The following SGMS2 variants were observed in gnomAD, a reference collection of about 807,000 sequenced individuals.
SGMS2 encodes the protein phosphatidylcholine:ceramide cholinephosphotransferase 2.
Under a neutral mutation model 43.8 loss-of-function variants are expected in SGMS2, and 21 were observed. That is an observed-to-expected ratio of 0.48 (90% CI 0.34 to 0.69). The LOEUF (loss-of-function observed/expected upper bound fraction) is 0.69. SGMS2 is among the 30% of genes least tolerant of loss of function. The probability of loss-of-function intolerance (pLI) is 0.01; values close to 1 mark genes in which losing one functional copy is unlikely to be tolerated. For synonymous variants in SGMS2, 167 were observed against 160.6 expected (o/e 1.04, Z -0.30); for missense variants, 384 against 443.2 (o/e 0.87, Z 1.20).
rs1306141015 is a variant in SGMS2, at chr4:107,848,332, T to C, written c.-326-10140T>C. 2.0e-5 allele frequency among the ~76,000 whole-genome samples: 3 copies of C among 152,220 alleles called. No individual in the cohort carries two copies. In the East Asian group the frequency reaches 5.8e-4, roughly 29 times the overall value. On this transcript the variant is annotated intron_variant, in intron 1 of 6. Coordinates refer to ENST00000690982, the MANE Select transcript of SGMS2 (RefSeq NM_001375905.1). ...ACTCATTCACCTATTGAAGGACCTCTAGGTTGTCTCCAGTTTTAGGCAATT... is the reference window on the plus strand; with the variant it reads ...ACTCATTCACCTATTGAAGGACCTCCAGGTTGTCTCCAGTTTTAGGCAATT...
chr4:107,873,778 G>C (rs920041444), intron 2 of SGMS2, among the ~76,000 whole-genome samples: 2 of 152,030 alleles, frequency 1.3e-5, no homozygotes, highest in African/African-American at 4.8e-5. Flanking sequence ...AAGAGCACCT[G>C]CCCACAGTTC....
At chr4:107,907,582 G>T (rs972613528) in intron 5 of SGMS2, among the ~76,000 whole-genome samples, 1 of 152,112 alleles carries the variant, frequency 6.6e-6, no homozygotes, top group African/African-American at 2.4e-5. Flanking sequence ...TTGAACTCCA[G>T]CATGGGCGAC....
intron 2 of SGMS2, among the ~76,000 whole-genome samples, chr4:107,860,836 A>G (rs1256851404): frequency 1.3e-5 from 2 of 152,064 alleles, no homozygotes; most frequent in East Asian, 1.9e-4. Context: ...AGGTTTTCTT[A>G]TTACATATCT....
rs181681707 is a variant in SGMS2, at chr4:107,841,666, T to C, written c.-327+16413T>C. Among the ~76,000 whole-genome samples the C allele has an allele frequency of 1.7e-3, 257 of 152,200 alleles. 1 individual carries two copies. The highest frequency in any genetic ancestry group is 5.7e-3 in the African/African-American group (238 of 41,486). On this transcript the variant is annotated intron_variant, in intron 1 of 6. Transcript: ENST00000690982. ...GGTACATTGTAGGTGTATATACTTA[T>C]GGCCTTTTTTTTTAAGAGACAGGGT...
chr4:107,848,064 C>T lies in SGMS2; in HGVS notation c.-326-10408C>T, dbSNP rs573421363. Among the ~76,000 whole-genome samples the T allele has an allele frequency of 1.6e-4, 24 of 152,236 alleles. No homozygotes were observed. In the South Asian group the frequency reaches 3.7e-3, roughly 24 times the overall value. ...CACTGCCCTAAAAGTCTGTGTTCTG[C>T]GTATTCACTCCTCCCCAATCCTCAA... On this transcript the variant is annotated intron_variant, in intron 1 of 6. Coordinates refer to ENST00000690982, the MANE Select transcript of SGMS2 (RefSeq NM_001375905.1).
At position 107,911,381 on chromosome 4, in the gene SGMS2, G is replaced by T. The variant is rs531130187; in HGVS notation, c.*828G>T. 6 of 152,340 alleles carry T rather than the reference G, an allele frequency of 3.9e-5. No individual in the cohort carries two copies. The highest frequency in any genetic ancestry group is 1.4e-4 in the African/African-American group (6 of 41,578). 9.4% of individuals were successfully genotyped at this position (152,340 alleles called of 1,614,324 possible). A position where few individuals can be genotyped will look rare whatever the true frequency, so the allele number is the denominator to read the frequency against. ...AATTTGGATCTGGTGCCCCAGGGCA[G>T]TCAACTCTTCTAGCACAGGCTGAAA... is the stretch of plus-strand genomic sequence containing the variant. On this transcript the variant is annotated 3_prime_UTR_variant, in exon 7 of 7. Coordinates refer to ENST00000690982, the MANE Select transcript of SGMS2 (RefSeq NM_001375905.1).
At chr4:107,845,730 T>G (rs1437180012) in intron 1 of SGMS2, among the ~76,000 whole-genome samples, 4 of 152,204 alleles carry the variant, frequency 2.6e-5, no homozygotes, top group African/African-American at 9.6e-5. Context: ...GGCATTGTTT[T>G]GTCAGGGCAC....
At chr4:107,892,168 C>T (rs1730277770) in intron 2 of SGMS2, among the ~76,000 whole-genome samples, 1 of 144,092 alleles carries the variant, frequency 6.9e-6, no homozygotes, top group Non-Finnish European at 1.5e-5. Context: ...AAAGGAGTTA[C>T]CTACCTTCCA....
chr4:107,837,205 G>A (rs1437897225), intron 1 of SGMS2, among the ~76,000 whole-genome samples: 1 of 152,176 alleles, frequency 6.6e-6, no homozygotes, highest in Non-Finnish European at 1.5e-5. Flanking sequence ...ATGGAAATTG[G>A]TTGTATATGT....
At chr4:107,860,897 C>T (rs1376145859) in intron 2 of SGMS2, among the ~76,000 whole-genome samples, 2 of 152,122 alleles carry the variant, frequency 1.3e-5, no homozygotes, top group Non-Finnish European at 2.9e-5. Context: ...GATATTTTGC[C>T]AATTCTCATA....
chr4:107,834,999 TACTCC>T (rs1485602707), intron 1 of SGMS2, among the ~76,000 whole-genome samples: 1 of 152,074 alleles, frequency 6.6e-6, no homozygotes, highest in African/African-American at 2.4e-5. Context: ...CATGCCACTG[TACTCC>T]AGCCTGGGCA....
At chr4:107,879,802 T>C (rs1315815858) in intron 2 of SGMS2, among the ~76,000 whole-genome samples, 1 of 151,992 alleles carries the variant, frequency 6.6e-6, no homozygotes, top group Non-Finnish European at 1.5e-5. Context: ...TAACTCAATA[T>C]CATAAAATTA....
intron 2 of SGMS2, among the ~76,000 whole-genome samples, chr4:107,877,751 T>C (rs1011906769): frequency 2.0e-5 from 3 of 152,148 alleles, no homozygotes; most frequent in African/African-American, 7.2e-5. Flanking sequence ...ACTTCCTTTG[T>C]TCATCTGCTA....
At chr4:107,905,738 T>C (rs1731501299) in intron 5 of SGMS2, among the ~76,000 whole-genome samples, 1 of 152,224 alleles carries the variant, frequency 6.6e-6, no homozygotes, top group Non-Finnish European at 1.5e-5. Context: ...AACTCTATCG[T>C]ATTGCCAAGG....
At chr4:107,887,191 A>G (rs1156528594) in intron 2 of SGMS2, among the ~76,000 whole-genome samples, 1 of 152,180 alleles carries the variant, frequency 6.6e-6, no homozygotes, top group African/African-American at 2.4e-5. Flanking sequence ...TTCTGATGTC[A>G]CAGTCTCCAC....
intron 2 of SGMS2, among the ~76,000 whole-genome samples, chr4:107,871,455 T>G (rs1165897226): frequency 6.6e-6 from 1 of 152,034 alleles, no homozygotes; most frequent in East Asian, 1.9e-4. Flanking sequence ...TTTAAGTGAC[T>G]TCTGCTTGGG....
intron 1 of SGMS2, among the ~76,000 whole-genome samples, chr4:107,835,780 C>T (rs1726134617): frequency 6.6e-6 from 1 of 152,146 alleles, no homozygotes; most frequent in Non-Finnish European, 1.5e-5. Flanking sequence ...GATTGATGTT[C>T]TCTGTTGCAT....
intron 1 of SGMS2, among the ~76,000 whole-genome samples, chr4:107,842,159 G>T (rs545940714): frequency 6.6e-6 from 1 of 152,086 alleles, no homozygotes; most frequent in African/African-American, 2.4e-5. Flanking sequence ...TGTGTGTTAA[G>T]GTGTGTAGTA....
At chr4:107,849,164 C>T (rs924740536) in intron 1 of SGMS2, among the ~76,000 whole-genome samples, 2 of 152,036 alleles carry the variant, frequency 1.3e-5, no homozygotes, top group Non-Finnish European at 2.9e-5. Context: ...TCCTCGTGTT[C>T]CCTCTGTAAA....
Sources: allele counts gnomAD v4.1 joint callset (sites outside exome capture counted in the v4.1 genomes callset), GRCh38; gene constraint gnomAD v4.1.1; transcripts MANE v1.5; gene names NCBI Gene and HGNC (gene_info 2026-07-23, HGNC 2026-07-21).